TAFA1: variants seen among roughly 807,000 people sequenced by gnomAD.
The protein encoded by TAFA1 is TAFA chemokine like family member 1, also known as chemokine-like protein TAFA-1.
TAFA1 carries 4 observed loss-of-function variants against 18.5 expected under a neutral mutation model. That is an observed-to-expected ratio of 0.22 (90% CI 0.11 to 0.49). The LOEUF is 0.49. Ranked by LOEUF, TAFA1 falls within the 20% of genes least tolerant of loss-of-function variation. The probability of loss-of-function intolerance (pLI) is 0.98; values close to 1 mark genes in which losing one functional copy is unlikely to be tolerated. For synonymous variants in TAFA1, 56 were observed against 55.2 expected, an observed-to-expected ratio of 1.01 and a Z score of -0.06; for missense variants, 147 against 169.0, an observed-to-expected ratio of 0.87 and a Z score of 0.72.
chr3:68,060,439 A>G (rs1241540456), intron 2 of TAFA1, among the ~76,000 whole-genome samples: 2 of 152,182 alleles, frequency 1.3e-5, no homozygotes, highest in African/African-American at 4.8e-5. Flanking sequence ...TGGGGCAGAT[A>G]TTTTTAAAGA....
intron 2 of TAFA1, among the ~76,000 whole-genome samples, chr3:68,379,002 G>C (rs776563040): frequency 6.6e-6 from 1 of 151,962 alleles, no homozygotes; most frequent in African/African-American, 2.4e-5. Context: ...CTTTATAGTC[G>C]TGTGAAAACA....
intron 2 of TAFA1, among the ~76,000 whole-genome samples, chr3:68,303,599 C>T (rs572902903): frequency 6.6e-6 from 1 of 152,180 alleles, no homozygotes; most frequent in African/African-American, 2.4e-5. Context: ...CAGGCGCCCA[C>T]CACCACGTCC....
intron 3 of TAFA1, among the ~76,000 whole-genome samples, chr3:68,516,749 G>T (rs2072926002): frequency 6.6e-6 from 1 of 152,106 alleles, no homozygotes; most frequent in Admixed American, 6.6e-5. Context: ...ACACCAAATA[G>T]CAACTGAAGT....
At chr3:68,367,765 G>A (rs1009484593) in intron 2 of TAFA1, among the ~76,000 whole-genome samples, 3 of 152,050 alleles carry the variant, frequency 2.0e-5, no homozygotes, top group African/African-American at 7.2e-5. Flanking sequence ...TTGTTTGTTT[G>A]TCTTAAAACT....
chr3:68,222,557 G>C (rs965419054), intron 2 of TAFA1, among the ~76,000 whole-genome samples: 1 of 152,090 alleles, frequency 6.6e-6, no homozygotes, highest in Non-Finnish European at 1.5e-5. Flanking sequence ...AAGTTTATTT[G>C]TACAGGATCT....
chr3:68,197,829 A>T (rs1271319761), intron 2 of TAFA1, among the ~76,000 whole-genome samples: 1 of 151,704 alleles, frequency 6.6e-6, no homozygotes, highest in Non-Finnish European at 1.5e-5. Flanking sequence ...ATATAGTGTT[A>T]TTTGTCACTC....
intron 3 of TAFA1, among the ~76,000 whole-genome samples, chr3:68,511,289 A>C (rs2072842397): frequency 6.6e-6 from 1 of 152,196 alleles, no homozygotes; most frequent in Non-Finnish European, 1.5e-5. Flanking sequence ...AGTAACAGGT[A>C]TGAAAACAAA....
intron 2 of TAFA1, among the ~76,000 whole-genome samples, chr3:68,021,002 A>C (rs1489129738): frequency 6.6e-6 from 1 of 151,926 alleles, no homozygotes; most frequent in African/African-American, 2.4e-5. Context: ...CCTGGCCAAC[A>C]TGGTGAAACC....
rs1223468489 is a variant in TAFA1, at chr3:68,079,986, T to G, written c.118+73242T>G. On this transcript the variant is annotated intron_variant, in intron 2 of 4. Coordinates refer to ENST00000478136, the MANE Select transcript of TAFA1 (RefSeq NM_213609.4). ...GGTCACTCAGGACTTGCTTTATGAA[T>G]CTTGGTGCTCCTGTATTGGGTGCAT... 3.3e-5 allele frequency among the ~76,000 whole-genome samples: 5 copies of G among 151,938 alleles called. No homozygotes were observed. In the East Asian group the frequency reaches 7.7e-4, roughly 23 times the overall value.
At chr3:68,198,718 G>T (rs1252514047) in intron 2 of TAFA1, among the ~76,000 whole-genome samples, 1 of 151,280 alleles carries the variant, frequency 6.6e-6, no homozygotes. Flanking sequence ...TTTTAATCAG[G>T]TTGTTGATTT....
At chr3:68,013,159 G>T (rs527454240) in intron 2 of TAFA1, among the ~76,000 whole-genome samples, 32 of 152,200 alleles carry the variant, frequency 2.1e-4, no homozygotes, top group Admixed American at 2.0e-4. Flanking sequence ...TAGGTTCTCA[G>T]AAAATACTTG....
chr3:68,250,258 A>C (rs1281088050), intron 2 of TAFA1, among the ~76,000 whole-genome samples: 1 of 152,174 alleles, frequency 6.6e-6, no homozygotes, highest in Non-Finnish European at 1.5e-5. Flanking sequence ...TACCCTGCAG[A>C]GGTACACATG....
chr3:68,088,444 A>C (rs1442025073), intron 2 of TAFA1, among the ~76,000 whole-genome samples: 1 of 152,184 alleles, frequency 6.6e-6, no homozygotes, highest in East Asian at 1.9e-4. Flanking sequence ...TTTCAATATG[A>C]AACCAAGTTC....
chr3:68,453,089 A>G (rs1413319367), intron 3 of TAFA1, among the ~76,000 whole-genome samples: 3 of 152,190 alleles, frequency 2.0e-5, no homozygotes. Context: ...AGATTCAAAA[A>G]ATGAATTAAT....
intron 2 of TAFA1, among the ~76,000 whole-genome samples, chr3:68,054,521 T>C (rs543851278): frequency 6.6e-6 from 1 of 152,334 alleles, no homozygotes; most frequent in South Asian, 2.1e-4. Flanking sequence ...GCTATTCCTT[T>C]ATAGCAATAC....
chr3:68,246,860 C>T (rs1201536073), intron 2 of TAFA1: 3 of 151,892 alleles, frequency 2.0e-5, no homozygotes, highest in Non-Finnish European at 4.4e-5. Flanking sequence ...TTTCCTAGGT[C>T]AAAAGGAGTT....
intron 2 of TAFA1, among the ~76,000 whole-genome samples, chr3:68,107,924 T>C (rs2065221747): frequency 6.6e-6 from 1 of 152,142 alleles, no homozygotes; most frequent in African/African-American, 2.4e-5. Context: ...ATTAGGGTAC[T>C]AATTCTGTTA....
Position 68,020,836 on chromosome 3 carries a change from C to T in TAFA1, c.118+14092C>T, listed in dbSNP as rs150090704. The stretch of plus-strand genomic sequence containing the variant: ...CAGGTCAATGCTTATTGTATCCTTC[C>T]TTCCAAAAGTACATTGTGTACGTAA... On this transcript the variant is annotated intron_variant, in intron 2 of 4. Coordinates refer to ENST00000478136, the MANE Select transcript of TAFA1 (RefSeq NM_213609.4). 3.4e-3 allele frequency among the ~76,000 whole-genome samples: 517 copies of T among 152,234 alleles called. 5 individuals carry two copies. Among genetic ancestry groups the T allele is most frequent in the African/African-American group, 0.012 (505 of 41,550 alleles).
At chr3:68,377,766 C>A (rs188129123) in intron 2 of TAFA1, among the ~76,000 whole-genome samples, 38 of 152,172 alleles carry the variant, frequency 2.5e-4, no homozygotes, top group Non-Finnish European at 4.4e-4. Context: ...AAAATGGTTT[C>A]GTGATTTGGG....
Sources: gnomAD v4.1 joint callset for allele counts (sites outside exome capture counted in the v4.1 genomes callset) on GRCh38, gnomAD v4.1.1 for gene constraint, MANE v1.5 for transcripts, NCBI Gene and HGNC (gene_info 2026-07-23, HGNC 2026-07-21) for gene names.